The following GRM7 variants were observed in gnomAD, a reference collection of about 807,000 sequenced individuals.
GRM7 encodes metabotropic glutamate receptor 7.
Under a neutral mutation model 84.5 loss-of-function variants are expected in GRM7, and 35 were observed. The ratio of observed to expected loss-of-function variants is 0.41; its 90% CI spans 0.32 to 0.55. The LOEUF (loss-of-function observed/expected upper bound fraction) is 0.55. Among genes scored for constraint, GRM7 ranks in the 20% least tolerant of loss-of-function variants. The probability of loss-of-function intolerance (pLI) is 0.19; values close to 1 mark genes in which losing one functional copy is unlikely to be tolerated. For missense variants in GRM7, 1,003 were observed against 1,194.6 expected (o/e 0.84, Z 2.36); for synonymous variants, 487 against 455.1 (o/e 1.07, Z -0.89).
At chr3:7,403,622 G>GATATGT (rs1695544832) in intron 4 of GRM7, among the ~76,000 whole-genome samples, 1 of 126,952 alleles carries the variant, frequency 7.9e-6, no homozygotes, top group African/African-American at 2.8e-5. Flanking sequence ...GAGTAATTCT[G>GATATGT]ATATATATAT....
In GRM7 at chr3:6,921,651, G is replaced by A. The variant is rs1575016964; in HGVS notation, c.519+59744G>A. ...TGTGTACCAGGCTCTGCACTGTGTT[G>A]CTTTCCATACTGTGTCTTATTGAGT... is the stretch of plus-strand genomic sequence containing the variant. On this transcript the variant is annotated intron_variant, in intron 1 of 9. Transcript: ENST00000357716. Among the ~76,000 whole-genome samples the A allele has an allele frequency of 2.0e-5, 3 of 152,168 alleles. No homozygotes were observed. The South Asian group carries it at 6.2e-4, about 32-fold the overall frequency.
chr3:6,943,901 G>C (rs1342669027), intron 1 of GRM7, among the ~76,000 whole-genome samples: 4 of 151,918 alleles, frequency 2.6e-5, no homozygotes, highest in Non-Finnish European at 5.9e-5. Context: ...TACATCTTTT[G>C]TTGCTTTTTA....
intron 2 of GRM7, among the ~76,000 whole-genome samples, chr3:7,196,116 C>G (rs1189169242): frequency 4.6e-5 from 7 of 152,036 alleles, no homozygotes; most frequent in African/African-American, 9.7e-5. Context: ...CAAGTTCAAA[C>G]CTGCTGAGTG....
chr3:7,512,595 T>TC (rs1700248597), intron 7 of GRM7, among the ~76,000 whole-genome samples: 1 of 151,840 alleles, frequency 6.6e-6, no homozygotes, highest in Non-Finnish European at 1.5e-5. Flanking sequence ...GATTTTTTTT[T>TC]TTTTTTTTGA....
At chr3:6,887,860 A>C (rs146523377) in intron 1 of GRM7, among the ~76,000 whole-genome samples, 4,595 of 152,242 alleles carry the variant, frequency 0.03, 222 homozygotes, top group African/African-American at 0.1. Flanking sequence ...ATGTAAAAGC[A>C]TTCCTATTTC....
At chr3:7,601,279 C>G (rs1696300244) in intron 8 of GRM7, among the ~76,000 whole-genome samples, 1 of 152,066 alleles carries the variant, frequency 6.6e-6, no homozygotes, top group Non-Finnish European at 1.5e-5. Context: ...TTGTCTTATG[C>G]ATCCAAAGGC....
chr3:7,705,883 C>T (rs543201372), intron 9 of GRM7, among the ~76,000 whole-genome samples: 3 of 152,084 alleles, frequency 2.0e-5, no homozygotes, highest in Non-Finnish European at 2.9e-5. Context: ...ATAAAGAGTA[C>T]CATGATCTAA....
chr3:7,666,733 C>T (rs886472122), intron 8 of GRM7, among the ~76,000 whole-genome samples: 1 of 151,888 alleles, frequency 6.6e-6, no homozygotes, highest in African/African-American at 2.4e-5. Context: ...GAAATATTAC[C>T]GGTATTATTA....
chr3:7,496,403 G>T (rs1421460807), intron 7 of GRM7, among the ~76,000 whole-genome samples: 1 of 151,828 alleles, frequency 6.6e-6, no homozygotes, highest in Non-Finnish European at 1.5e-5. Flanking sequence ...TCAAAATGAG[G>T]GACAAATGAT....
At chr3:7,103,896 T>C (rs930871237) in intron 1 of GRM7, among the ~76,000 whole-genome samples, 15 of 149,072 alleles carry the variant, frequency 1.0e-4, no homozygotes, top group Non-Finnish European at 1.3e-4. Context: ...GTGACCATCA[T>C]TGTATTTAGG....
rs1354488258 is a variant in GRM7, at chr3:7,140,759, C to A, written c.520-5693C>A. Among the ~76,000 whole-genome samples, 3 of 151,828 alleles carry A rather than the reference C, an allele frequency of 2.0e-5. No homozygotes were observed. The East Asian group carries it at 5.8e-4, about 29-fold the overall frequency. On this transcript the variant is annotated intron_variant, in intron 1 of 9. Transcript: ENST00000357716. ...TGTCTCAAGTAAAAATAAGAGCATC[C>A]TATATCAATAGCAAATATAAAGAAA...
intron 2 of GRM7, among the ~76,000 whole-genome samples, chr3:7,296,543 A>G (rs1190466807): frequency 1.3e-5 from 2 of 151,992 alleles, no homozygotes; most frequent in African/African-American, 2.4e-5. Context: ...TAAACGACCA[A>G]TTTGGCATTT....
At chr3:6,953,503 T>C (rs1034793039) in intron 1 of GRM7, among the ~76,000 whole-genome samples, 3 of 152,262 alleles carry the variant, frequency 2.0e-5, no homozygotes, top group Admixed American at 6.5e-5. Context: ...TGCTTCATTT[T>C]TCCCCCCATG....
intron 8 of GRM7, among the ~76,000 whole-genome samples, chr3:7,659,625 G>T (rs1483497861): frequency 5.9e-5 from 9 of 152,168 alleles, no homozygotes; most frequent in African/African-American, 2.2e-4. Flanking sequence ...TTATGTAAGT[G>T]AGACATCTGG....
At position 6,946,924 on chromosome 3, in the gene GRM7, G is replaced by A. The variant is rs561041735; in HGVS notation, c.519+85017G>A. On this transcript the variant is annotated intron_variant, in intron 1 of 9. Coordinates refer to ENST00000357716, the MANE Select transcript of GRM7 (RefSeq NM_000844.4). ...TTTTGTATCCTGAGACTTTGCTGAA[G>A]TTGCTTATCAGCTTAAGGAGATTTT... is the stretch of plus-strand genomic sequence containing the variant. Among the ~76,000 whole-genome samples, 402 of 152,296 alleles carry A rather than the reference G, an allele frequency of 2.6e-3. 1 individual carries two copies. The highest frequency in any genetic ancestry group is 8.9e-3 in the African/African-American group (370 of 41,546).
chr3:7,081,085 C>G (rs1698260849), intron 1 of GRM7, among the ~76,000 whole-genome samples: 1 of 151,988 alleles, frequency 6.6e-6, no homozygotes, highest in African/African-American at 2.4e-5. Context: ...CTCGTTGTCT[C>G]CATACCATTT....
At chr3:7,647,506 G>T (rs1271988211) in intron 8 of GRM7, among the ~76,000 whole-genome samples, 2 of 152,228 alleles carry the variant, frequency 1.3e-5, no homozygotes, top group Non-Finnish European at 2.9e-5. Flanking sequence ...CAGAAGCAAA[G>T]TGGACTATAT....
chr3:7,297,742 G>A (rs915269611), intron 2 of GRM7, among the ~76,000 whole-genome samples: 3 of 152,186 alleles, frequency 2.0e-5, no homozygotes, highest in African/African-American at 7.2e-5. Flanking sequence ...TTAGAGTAAG[G>A]TTTTTTACCT....
chr3:7,355,254 T>C (rs1346936582), intron 4 of GRM7, among the ~76,000 whole-genome samples: 1 of 152,068 alleles, frequency 6.6e-6, no homozygotes, highest in African/African-American at 2.4e-5. Flanking sequence ...GTACGACTAT[T>C]TGGATTTTGG....
Sources: allele counts gnomAD v4.1 joint callset (sites outside exome capture counted in the v4.1 genomes callset), GRCh38; gene constraint gnomAD v4.1.1; transcripts MANE v1.5; gene names NCBI Gene and HGNC (gene_info 2026-07-23, HGNC 2026-07-21).